HBS1L: variants seen among roughly 807,000 people sequenced by gnomAD.
The protein encoded by HBS1L is HBS1-like protein.
A neutral mutation model predicts 88.9 loss-of-function variants in HBS1L; 55 were observed. The ratio of observed to expected loss-of-function variants is 0.62; its 90% confidence interval spans 0.50 to 0.77. The LOEUF is 0.77. Ranked by LOEUF, HBS1L falls within the 30% of genes least tolerant of loss-of-function variation. The pLI is 0.00. For missense variants in HBS1L, 741 were observed against 829.3 expected (o/e 0.89, Z 1.31); for synonymous variants, 267 against 288.5 (o/e 0.93, Z 0.76).
chr6:134,982,037 A>G (rs1391454345), intron 13 of HBS1L, among the ~76,000 whole-genome samples: 1 of 152,094 alleles, frequency 6.6e-6, no homozygotes. Context: ...CTGTTAATTT[A>G]TAGTTATTCT....
chr6:134,986,204 T>C, intron 10 of HBS1L, 21 bp from the exon 11 acceptor site: 2 of 1,165,866 alleles, frequency 1.7e-6, no homozygotes, highest in Middle Eastern at 2.0e-4. Flanking sequence ...GATTGACTTA[T>C]GAAACTTAAT....
chr6:135,037,776 T>G (rs1205530163), intron 4 of HBS1L: 2 of 1,550,360 alleles, frequency 1.3e-6, no homozygotes, highest in Non-Finnish European at 8.7e-7. Context: ...TATCATGAAT[T>G]AGGTTAGCTA....
intron 12 of HBS1L, among the ~76,000 whole-genome samples, chr6:134,984,599 T>C (rs1774926898): frequency 6.6e-6 from 1 of 152,172 alleles, no homozygotes; most frequent in Non-Finnish European, 1.5e-5. Context: ...ACAAATGACA[T>C]CCTTACAGTT....
chr6:135,015,726 C>A (rs1339193163), intron 4 of HBS1L, among the ~76,000 whole-genome samples: 1 of 151,066 alleles, frequency 6.6e-6, no homozygotes, highest in Non-Finnish European at 1.5e-5. Context: ...GGACTACAGG[C>A]ACACGCCATC....
chr6:134,986,799 T>C lies in HBS1L; in HGVS notation c.1242A>G (p.Gln414=). 2 of 1,560,914 alleles carry C rather than the reference T, an allele frequency of 1.3e-6. No individual in the cohort carries two copies. Among genetic ancestry groups the C allele is most frequent in the Non-Finnish European group, 1.7e-6 (2 of 1,150,686 alleles). ...CAGTAATCTCTTGAAACCTTTCTTG[T>C]TGCCAATTAACCTGATAAAGATCCA... ...AVNKMDQVNW[Q]QERFQEITGK... Residue 414 remains glutamine, a synonymous_variant, in exon 10 of 18, where the codon CAA becomes CAG. Coordinates refer to ENST00000367837, the MANE Select transcript of HBS1L (RefSeq NM_006620.4).
intron 14 of HBS1L, 49 bp from the exon 15 acceptor site, chr6:134,978,836 C>G (rs747418007): frequency 2.7e-6 from 3 of 1,105,518 alleles, no homozygotes; most frequent in Non-Finnish European, 4.0e-6. Context: ...GACAAATTTA[C>G]ATCAAATAGA....
intron 4 of HBS1L, among the ~76,000 whole-genome samples, chr6:135,018,151 GA>G (rs747497571): frequency 6.6e-6 from 1 of 151,766 alleles, no homozygotes. Context: ...AATTTCCAAT[GA>G]AAAAAACACT....
At chr6:134,987,987 G>C (rs1267357070) in intron 8 of HBS1L, among the ~76,000 whole-genome samples, 196 bp from the exon 9 acceptor site, 1 of 151,730 alleles carries the variant, frequency 6.6e-6, no homozygotes, top group Non-Finnish European at 1.5e-5. Flanking sequence ...ATGACACAAA[G>C]AACAATAAAA....
chr6:135,044,930 G>C (rs1455699243), intron 2 of HBS1L, among the ~76,000 whole-genome samples: 1 of 152,162 alleles, frequency 6.6e-6, no homozygotes, highest in Non-Finnish European at 1.5e-5. Context: ...TGCCTGCCAG[G>C]AGCTATTTTT....
At position 135,039,725 on chromosome 6, in the gene HBS1L, C is replaced by G; in HGVS notation, c.278G>C (p.Gly93Ala). 6.2e-7 allele frequency: 1 copy of G among 1,613,918 alleles called. No homozygotes were observed. The change falls in exon 4 of 18, where the codon GGA (glycine) becomes GCA (alanine). Residue 93 changes from glycine to alanine, a missense_variant. Coordinates refer to ENST00000367837, the MANE Select transcript of HBS1L (RefSeq NM_006620.4). ...TAATATTTCATCTGGCACAGCATCT[C>G]CAAGTACCTCTCTCATGTGATCAAG... ...SCLDHMREVLGDAVPDEILIE... is the reference protein window; with the variant it reads ...SCLDHMREVLADAVPDEILIE...
At chr6:134,988,542 A>C (rs1361873029) in intron 8 of HBS1L, among the ~76,000 whole-genome samples, 3 of 152,148 alleles carry the variant, frequency 2.0e-5, no homozygotes, top group African/African-American at 7.2e-5. Context: ...AATGGTCAAC[A>C]TGAAAAAAAT....
At chr6:135,001,687 T>C (rs558801119) in intron 5 of HBS1L, among the ~76,000 whole-genome samples, 3 of 152,234 alleles carry the variant, frequency 2.0e-5, no homozygotes, top group Admixed American at 2.0e-4. Flanking sequence ...ACTTTTTCAT[T>C]CATCCAATCA....
intron 4 of HBS1L, among the ~76,000 whole-genome samples, chr6:135,028,259 G>A (rs1246004134): frequency 7.8e-6 from 1 of 127,742 alleles, no homozygotes; most frequent in Non-Finnish European, 1.6e-5. Context: ...CAAATTGCAA[G>A]GTAATAAAAA....
chr6:135,014,752 C>A (rs1489786673), intron 4 of HBS1L, among the ~76,000 whole-genome samples: 2 of 149,914 alleles, frequency 1.3e-5, no homozygotes, highest in East Asian at 3.9e-4. Context: ...TACAGTGGCT[C>A]ATGCCTGTAA....
intron 4 of HBS1L, among the ~76,000 whole-genome samples, chr6:135,016,136 T>G (rs1775915314): frequency 6.6e-6 from 1 of 152,114 alleles, no homozygotes; most frequent in African/African-American, 2.4e-5. Context: ...TCCGCCCACC[T>G]TGGCCTCCCA....
intron 9 of HBS1L, among the ~76,000 whole-genome samples, 170 bp from the exon 10 acceptor site, chr6:134,986,980 C>T (rs913259230): frequency 1.3e-5 from 2 of 152,050 alleles, no homozygotes; most frequent in African/African-American, 4.8e-5. Flanking sequence ...AAAAGTAATT[C>T]TTCCTCAAAA....
chr6:135,021,071 T>C (rs1583123157), intron 4 of HBS1L, among the ~76,000 whole-genome samples: 1 of 152,154 alleles, frequency 6.6e-6, no homozygotes, highest in Non-Finnish European at 1.5e-5. Flanking sequence ...CCTTTACTGG[T>C]TTTGTGGTCT....
chr6:135,051,345 A>T (rs1209837060), intron 1 of HBS1L, among the ~76,000 whole-genome samples: 3 of 152,220 alleles, frequency 2.0e-5, no homozygotes, highest in Admixed American at 6.5e-5. Flanking sequence ...TCTCTTCCAC[A>T]GAACATGGGG....
intron 2 of HBS1L, among the ~76,000 whole-genome samples, chr6:135,048,797 A>G (rs966926303): frequency 6.6e-6 from 1 of 152,246 alleles, no homozygotes; most frequent in Non-Finnish European, 1.5e-5. Flanking sequence ...GTGAAACATT[A>G]AAAGATGAGA....
Sources: gnomAD v4.1 joint callset for allele counts (sites outside exome capture counted in the v4.1 genomes callset) on GRCh38, gnomAD v4.1.1 for gene constraint, MANE v1.5 for transcripts, NCBI Gene and HGNC (gene_info 2026-07-23, HGNC 2026-07-21) for gene names.